RBFOX1: variants seen among roughly 807,000 people sequenced by gnomAD.
The protein encoded by RBFOX1 is RNA binding fox-1 homolog 1.
RBFOX1 carries 8 observed loss-of-function variants against 57.7 expected under a neutral mutation model. That is an observed-to-expected ratio of 0.14 (90% confidence interval 0.08 to 0.25). The LOEUF is 0.25. RBFOX1 is among the 10% of genes least tolerant of loss of function. RBFOX1 has a pLI of 1.00. For missense variants in RBFOX1, 611 were observed against 548.5 expected, an observed-to-expected ratio of 1.11 and a Z score of -1.14; for synonymous variants, 326 against 222.4, an observed-to-expected ratio of 1.47 and a Z score of -4.15.
intron 2 of RBFOX1, among the ~76,000 whole-genome samples, chr16:5,470,464 A>C (rs919111180): frequency 1.8e-4 from 27 of 152,164 alleles, no homozygotes; most frequent in African/African-American, 6.5e-4. Flanking sequence ...ACCCAGATAC[A>C]CATGCACACA....
intron 2 of RBFOX1, among the ~76,000 whole-genome samples, chr16:5,581,701 T>G (rs1362656525): frequency 6.6e-6 from 1 of 152,102 alleles, no homozygotes; most frequent in African/African-American, 2.4e-5. Context: ...CAAGCCAGGG[T>G]GACAGACAGC....
At chr16:7,491,689 T>C (rs995577050) in intron 4 of RBFOX1, among the ~76,000 whole-genome samples, 13 of 152,070 alleles carry the variant, frequency 8.5e-5, no homozygotes, top group African/African-American at 3.1e-4. Flanking sequence ...GGAGTGCAAG[T>C]ACATGATTGT....
At chr16:5,308,213 C>T (rs140910908) in intron 1 of RBFOX1, among the ~76,000 whole-genome samples, 1,719 of 151,906 alleles carry the variant, frequency 0.011, 33 homozygotes, top group Admixed American at 0.054. Context: ...TGGTGGCAGG[C>T]GCCTGTAATC....
intron 3 of RBFOX1, among the ~76,000 whole-genome samples, chr16:6,924,019 C>G (rs1597354790): frequency 6.6e-6 from 1 of 151,628 alleles, no homozygotes; most frequent in Non-Finnish European, 1.5e-5. Flanking sequence ...AAAATACAAA[C>G]ATTAGTCAGG....
At position 6,321,534 on chromosome 16, in the gene RBFOX1, A is replaced by G. The variant is rs973256683; in HGVS notation, c.-64+4477A>G. Among the ~76,000 whole-genome samples the G allele has an allele frequency of 3.9e-5, 6 of 152,192 alleles. 1 individual carries two copies. In the South Asian group the frequency reaches 6.2e-4, roughly 16 times the overall value. ...TAATGGTCCCCTGGGACTCTGCACA[A>G]TGCCACAGCATTCATCTATTCTAAC... is the stretch of plus-strand genomic sequence containing the variant. On this transcript the variant is annotated intron_variant, in intron 2 of 15. Coordinates refer to ENST00000550418, the MANE Select transcript of RBFOX1 (RefSeq NM_018723.4).
At chr16:6,060,892 C>T (rs1412552754) in intron 1 of RBFOX1, among the ~76,000 whole-genome samples, 1 of 152,184 alleles carries the variant, frequency 6.6e-6, no homozygotes, top group African/African-American at 2.4e-5. Context: ...CATTACCTTC[C>T]TTTTCTCTCT....
intron 3 of RBFOX1, among the ~76,000 whole-genome samples, chr16:5,726,198 C>T (rs146769642): frequency 1.4e-4 from 21 of 152,010 alleles, no homozygotes; most frequent in African/African-American, 5.1e-4. Context: ...GCGAATCAAT[C>T]AGTTTTGTCA....
rs1166396187 is a variant in RBFOX1, at chr16:6,097,669, G to A, written c.-127+77677G>A. On this transcript the variant is annotated intron_variant, in intron 1 of 15. Transcript: ENST00000550418. This position sits in a 1 kb window ranked among gnomAD's most constrained non-coding sequence, Gnocchi z 5.0. ...ACTCAAGTGCTTAATAAGTGTCTAA[G>A]CTAGGATTTGACCCTAGGGCTTGTG... Among the ~76,000 whole-genome samples the A allele has an allele frequency of 6.6e-6, 1 of 152,114 alleles. No individual in the cohort carries two copies. The highest frequency in any genetic ancestry group is 6.5e-5 in the Admixed American group (1 of 15,272).
intron 3 of RBFOX1, among the ~76,000 whole-genome samples, chr16:5,849,753 C>T (rs1417994850): frequency 6.6e-6 from 1 of 152,100 alleles, no homozygotes; most frequent in Admixed American, 6.5e-5. Flanking sequence ...CCCTGCAGCT[C>T]CTGTATGATC....
chr16:7,649,465 T>C (rs1183895033), intron 11 of RBFOX1, among the ~76,000 whole-genome samples: 3 of 152,228 alleles, frequency 2.0e-5, no homozygotes, highest in Admixed American at 2.0e-4. Context: ...TCTGGAAATG[T>C]AGTCCAGCAT....
At chr16:5,989,088 A>G (rs1381778871) in intron 4 of RBFOX1, among the ~76,000 whole-genome samples, 1 of 151,658 alleles carries the variant, frequency 6.6e-6, no homozygotes, top group South Asian at 2.1e-4. Context: ...TGGGAGGCCG[A>G]GGCGGGTGGA....
intron 4 of RBFOX1, among the ~76,000 whole-genome samples, chr16:7,150,849 A>T (rs2075972681): frequency 6.6e-6 from 1 of 152,184 alleles, no homozygotes; most frequent in Non-Finnish European, 1.5e-5. Context: ...AAGTTAGTTA[A>T]TGATGTGCCT....
chr16:5,442,340 G>C (rs1250654582), intron 1 of RBFOX1, among the ~76,000 whole-genome samples: 1 of 152,218 alleles, frequency 6.6e-6, no homozygotes, highest in Non-Finnish European at 1.5e-5. Context: ...AGGCCACAAG[G>C]CCAAGGAAGC....
chr16:5,711,874 T>A (rs1228054474), intron 3 of RBFOX1, among the ~76,000 whole-genome samples: 3 of 152,166 alleles, frequency 2.0e-5, no homozygotes, highest in Admixed American at 1.3e-4. Flanking sequence ...CAGCCTCTAT[T>A]TATTGAGTGC....
At chr16:5,832,542 G>A (rs969787505) in intron 3 of RBFOX1, among the ~76,000 whole-genome samples, 22 of 152,158 alleles carry the variant, frequency 1.4e-4, no homozygotes, top group African/African-American at 5.3e-4. Context: ...TTCACAGCCT[G>A]GCATGTAGAA....
intron 2 of RBFOX1, among the ~76,000 whole-genome samples, chr16:5,510,037 G>C (rs911374495): frequency 2.0e-5 from 3 of 152,204 alleles, no homozygotes; most frequent in Non-Finnish European, 4.4e-5. Flanking sequence ...GGGCGCGTCA[G>C]TTCTGATGCT....
chr16:7,461,314 T>G (rs1012165612), intron 4 of RBFOX1, among the ~76,000 whole-genome samples: 2 of 151,948 alleles, frequency 1.3e-5, no homozygotes, highest in African/African-American at 4.8e-5. Context: ...ATTACAGATA[T>G]GTGCCACCAC....
chr16:7,064,732 T>C (rs1029026291), intron 4 of RBFOX1, among the ~76,000 whole-genome samples: 2 of 152,130 alleles, frequency 1.3e-5, no homozygotes, highest in African/African-American at 2.4e-5. Flanking sequence ...ATCAAATACA[T>C]TGCTACTAAA....
chr16:6,970,984 G>C (rs747046320), intron 3 of RBFOX1, among the ~76,000 whole-genome samples: 5 of 152,128 alleles, frequency 3.3e-5, no homozygotes, highest in Non-Finnish European at 7.4e-5. Context: ...GCCCTTATTT[G>C]ATCATAGAAT....
Sources: gnomAD v4.1 joint callset for allele counts (sites outside exome capture counted in the v4.1 genomes callset) on GRCh38, gnomAD v4.1.1 for gene constraint, Gnocchi (gnomAD v3.1) non-coding constraint, MANE v1.5 for transcripts, NCBI Gene and HGNC (gene_info 2026-07-23, HGNC 2026-07-21) for gene names.